RBFOX1: variants seen among roughly 807,000 people sequenced by gnomAD.
The protein encoded by RBFOX1 is RNA binding protein fox-1 homolog 1.
In RBFOX1, 8 loss-of-function variants were observed where a neutral mutation model predicts 57.7. The observed-to-expected ratio is 0.14, with a 90% CI of 0.08 to 0.25. RBFOX1 has a LOEUF of 0.25. RBFOX1 is among the 10% of genes least tolerant of loss of function. The pLI is 1.00. For missense variants in RBFOX1, 611 were observed against 548.5 expected (o/e 1.11, Z -1.14); for synonymous variants, 326 against 222.4 (o/e 1.47, Z -4.15).
intron 1 of RBFOX1, among the ~76,000 whole-genome samples, chr16:5,250,045 G>GA (rs1018326073): frequency 2.6e-5 from 4 of 150,974 alleles, no homozygotes; most frequent in African/African-American, 7.3e-5. Flanking sequence ...CAGTGAGGAG[G>GA]AGGTTGTAGT....
rs530504425 is a variant in RBFOX1, at chr16:6,399,914, C to T, written c.-64+82857C>T. On this transcript the variant is annotated intron_variant, in intron 2 of 15. Transcript: ENST00000550418. ...TGAAGGGAGAAGCCCTTTGTAAAAC[C>T]CCCAGATCTCGTGAGAACTCACCCA... Among the ~76,000 whole-genome samples the T allele has an allele frequency of 2.0e-5, 3 of 152,208 alleles. No individual in the cohort carries two copies. The East Asian group carries it at 5.8e-4, about 29-fold the overall frequency.
intron 1 of RBFOX1, among the ~76,000 whole-genome samples, chr16:6,219,640 C>T (rs2097358876): frequency 1.3e-5 from 2 of 151,578 alleles, no homozygotes; most frequent in African/African-American, 2.4e-5. Flanking sequence ...TTTGGGAGGC[C>T]GAGGTGGGCA....
chr16:6,558,161 G>C (rs775865338), intron 2 of RBFOX1, among the ~76,000 whole-genome samples: 4 of 152,168 alleles, frequency 2.6e-5, no homozygotes, highest in Non-Finnish European at 4.4e-5. Flanking sequence ...CCAGAAGCCT[G>C]GGAGGAGTGC....
intron 1 of RBFOX1, among the ~76,000 whole-genome samples, chr16:6,179,141 G>A (rs1018525845): frequency 2.0e-5 from 3 of 152,168 alleles, no homozygotes; most frequent in Non-Finnish European, 4.4e-5. Context: ...AATATAACAA[G>A]GAGCCCTTAA....
intron 4 of RBFOX1, among the ~76,000 whole-genome samples, chr16:5,941,489 C>G (rs1361464367): frequency 2.1e-5 from 3 of 145,574 alleles, no homozygotes; most frequent in African/African-American, 7.7e-5. Flanking sequence ...GATCTTATCT[C>G]AAGGAAAAAA....
chr16:7,206,026 C>T (rs563216973), intron 4 of RBFOX1, among the ~76,000 whole-genome samples: 1 of 152,128 alleles, frequency 6.6e-6, no homozygotes, highest in African/African-American at 2.4e-5. Flanking sequence ...GCTTGCCCAC[C>T]CAGAGGCGAG....
At chr16:7,067,993 T>C (rs1270253383) in intron 4 of RBFOX1, among the ~76,000 whole-genome samples, 1 of 147,680 alleles carries the variant, frequency 6.8e-6, no homozygotes, top group African/African-American at 2.5e-5. Flanking sequence ...CCTTCCTTCA[T>C]CTTTAAAGCC....
chr16:6,621,522 C>A (rs1298743492), intron 2 of RBFOX1, among the ~76,000 whole-genome samples: 1 of 152,098 alleles, frequency 6.6e-6, no homozygotes, highest in Non-Finnish European at 1.5e-5. Flanking sequence ...CAGGCTGTAC[C>A]CTAAATCAAA....
At chr16:6,976,953 T>G (rs1042143848) in intron 3 of RBFOX1, among the ~76,000 whole-genome samples, 7 of 147,428 alleles carry the variant, frequency 4.7e-5, no homozygotes, top group African/African-American at 1.7e-4. Flanking sequence ...CTATATATCA[T>G]ATATATTAAA....
upstream of RBFOX1, among the ~76,000 whole-genome samples, chr16:6,018,247 A>G (rs1445162924): frequency 8.4e-6 from 1 of 118,818 alleles, no homozygotes; most frequent in Non-Finnish European, 1.7e-5. Context: ...GTAGGGGAAG[A>G]GCAGAGTTTC....
intron 1 of RBFOX1, among the ~76,000 whole-genome samples, chr16:5,408,559 G>A (rs1431554077): frequency 6.6e-6 from 1 of 152,150 alleles, no homozygotes; most frequent in Non-Finnish European, 1.5e-5. Context: ...GGATGGCAGC[G>A]ACAGTGCTTC....
intron 1 of RBFOX1, among the ~76,000 whole-genome samples, chr16:6,032,898 T>TC (rs59955398): frequency 0.062 from 9,359 of 150,680 alleles, 948 homozygotes; most frequent in African/African-American, 0.21. Flanking sequence ...TTTTTTTTTT[T>TC]CCCTCTCTCC....
intron 4 of RBFOX1, among the ~76,000 whole-genome samples, chr16:7,223,510 C>T (rs1217447601): frequency 1.3e-5 from 2 of 152,018 alleles, no homozygotes; most frequent in East Asian, 3.9e-4. Context: ...AGTGCTTTAC[C>T]TGTGGAAGTT....
At chr16:5,955,785 C>T (rs2059626085) in intron 4 of RBFOX1, among the ~76,000 whole-genome samples, 1 of 151,930 alleles carries the variant, frequency 6.6e-6, no homozygotes, top group African/African-American at 2.4e-5. Context: ...AGGCAGTGAC[C>T]AGTAGAAAAA....
In RBFOX1 at chr16:7,011,877, T is replaced by C. The variant is rs146811439; in HGVS notation, c.-15-40180T>C. On this transcript the variant is annotated intron_variant, in intron 3 of 15. Transcript: ENST00000550418. ...TGGGAAGGAGTGGGATGCCTTTGGA[T>C]GATGTTAGCTCAAGTGGTATTGCAT... Among the ~76,000 whole-genome samples, 561 of 152,326 alleles carry C rather than the reference T, an allele frequency of 3.7e-3. 7 individuals are homozygous for C. The highest frequency in any genetic ancestry group is 0.013 in the African/African-American group (542 of 41,570).
At chr16:5,440,122 C>T (rs1435729941) in intron 1 of RBFOX1, among the ~76,000 whole-genome samples, 1 of 152,188 alleles carries the variant, frequency 6.6e-6, no homozygotes. Flanking sequence ...TTGACTATAT[C>T]AGTGGGATAA....
chr16:6,831,286 G>A (rs2092691525), intron 3 of RBFOX1, among the ~76,000 whole-genome samples: 1 of 152,146 alleles, frequency 6.6e-6, no homozygotes, highest in African/African-American at 2.4e-5. Flanking sequence ...TATAGTCCAA[G>A]ATGTAAATTT....
intron 2 of RBFOX1, among the ~76,000 whole-genome samples, chr16:6,569,517 A>G (rs538171242): frequency 1.3e-5 from 2 of 152,356 alleles, no homozygotes; most frequent in Admixed American, 6.5e-5. Context: ...GAAGTGTCCT[A>G]GACAGACCTC....
At chr16:6,706,335 C>T (rs760647924) in intron 3 of RBFOX1, among the ~76,000 whole-genome samples, 15 of 152,124 alleles carry the variant, frequency 9.9e-5, no homozygotes, top group Non-Finnish European at 1.9e-4. Flanking sequence ...CATTGCAACT[C>T]AATTATTAAT....
Sources: allele counts gnomAD v4.1 joint callset (sites outside exome capture counted in the v4.1 genomes callset), GRCh38; gene constraint gnomAD v4.1.1; transcripts MANE v1.5; gene names NCBI Gene and HGNC (gene_info 2026-07-23, HGNC 2026-07-21).